The following RBMS3 variants were observed in gnomAD, a reference collection of about 807,000 sequenced individuals.
The protein encoded by RBMS3 is RNA binding motif single stranded interacting protein 3.
Under a neutral mutation model 66.8 loss-of-function variants are expected in RBMS3, and 27 were observed. The ratio of observed to expected loss-of-function variants is 0.40; its 90% CI spans 0.30 to 0.56. RBMS3 has a LOEUF of 0.56. Among genes scored for constraint, RBMS3 ranks in the 20% least tolerant of loss-of-function variants. The pLI is 0.40. For missense variants in RBMS3, 513 were observed against 549.5 expected, an observed-to-expected ratio of 0.93 and a Z score of 0.66; for synonymous variants, 188 against 183.0, an observed-to-expected ratio of 1.03 and a Z score of -0.22.
chr3:29,719,516 C>T (rs1376601573), intron 4 of RBMS3, among the ~76,000 whole-genome samples: 3 of 152,028 alleles, frequency 2.0e-5, no homozygotes, highest in South Asian at 2.1e-4. Context: ...TCCAGGGTTC[C>T]TGCATGTTTA....
chr3:29,444,540 C>T (rs534534897), intron 2 of RBMS3, among the ~76,000 whole-genome samples: 8 of 152,028 alleles, frequency 5.3e-5, no homozygotes, highest in Non-Finnish European at 1.0e-4. Context: ...ACCAGGAGTG[C>T]AGGAGTGTGC....
At chr3:29,289,214 C>T (rs773661826) in intron 1 of RBMS3, among the ~76,000 whole-genome samples, 6 of 151,780 alleles carry the variant, frequency 4.0e-5, no homozygotes, top group Non-Finnish European at 5.9e-5. Context: ...TTATAGTGGC[C>T]TCTGCTATGG....
intron 2 of RBMS3, among the ~76,000 whole-genome samples, chr3:29,438,600 T>A (rs2041489403): frequency 6.6e-6 from 1 of 152,218 alleles, no homozygotes; most frequent in Non-Finnish European, 1.5e-5. Context: ...ATATAAAGAA[T>A]GATTTTACTC....
chr3:29,741,017 G>A (rs1244176988), intron 5 of RBMS3, among the ~76,000 whole-genome samples: 1 of 150,224 alleles, frequency 6.7e-6, no homozygotes, highest in Non-Finnish European at 1.5e-5. Context: ...CTCCAGCCTG[G>A]GCAACACAGC....
chr3:29,971,179 C>A (rs1697205193), intron 12 of RBMS3, among the ~76,000 whole-genome samples: 1 of 152,244 alleles, frequency 6.6e-6, no homozygotes, highest in South Asian at 2.1e-4. Flanking sequence ...ACTTGTCCAC[C>A]CTGGCCCACT....
chr3:29,548,829 C>A (rs555622396), intron 3 of RBMS3, among the ~76,000 whole-genome samples: 1 of 151,948 alleles, frequency 6.6e-6, no homozygotes, highest in South Asian at 2.1e-4. Flanking sequence ...ATATTTCTAC[C>A]ACCAAGAATA....
chr3:29,620,482 G>C (rs554321904), intron 4 of RBMS3, among the ~76,000 whole-genome samples: 26 of 152,176 alleles, frequency 1.7e-4, no homozygotes, highest in African/African-American at 6.3e-4. Context: ...AATCTTAGGG[G>C]CTACAATTAC....
At chr3:29,378,774 C>T (rs993982159) in intron 1 of RBMS3, among the ~76,000 whole-genome samples, 2 of 151,540 alleles carry the variant, frequency 1.3e-5, no homozygotes, top group East Asian at 2.0e-4. Context: ...AGAATTGTAT[C>T]GAAAATCTTA....
intron 3 of RBMS3, among the ~76,000 whole-genome samples, chr3:29,509,821 A>G (rs2044327470): frequency 1.3e-5 from 2 of 152,330 alleles, no homozygotes; most frequent in African/African-American, 4.8e-5. Context: ...AGAATTGTAC[A>G]CCTATTCAGA....
intron 1 of RBMS3, among the ~76,000 whole-genome samples, chr3:29,336,424 A>G (rs1218326914): frequency 1.3e-5 from 2 of 152,110 alleles, no homozygotes; most frequent in African/African-American, 4.8e-5. Flanking sequence ...CTACTGACAC[A>G]TGCCAATATT....
At chr3:29,873,092 C>T (rs188071219) in intron 7 of RBMS3, among the ~76,000 whole-genome samples, 48 of 152,126 alleles carry the variant, frequency 3.2e-4, no homozygotes, top group East Asian at 5.8e-4. Context: ...TTTTTTGTTC[C>T]ATATGAATTT....
intron 12 of RBMS3, among the ~76,000 whole-genome samples, chr3:29,965,450 G>A (rs1356268131): frequency 1.3e-5 from 2 of 152,018 alleles, no homozygotes; most frequent in African/African-American, 2.4e-5. Flanking sequence ...TCGCATTGTG[G>A]TTTTGATTTG....
chr3:29,708,971 G>T (rs73829309), intron 4 of RBMS3, among the ~76,000 whole-genome samples: 7,712 of 152,204 alleles, frequency 0.051, 662 homozygotes, highest in African/African-American at 0.18. Context: ...CAACTGATCA[G>T]TGTGATTGTA....
In RBMS3 at chr3:29,412,448, C is replaced by A. The variant is rs72852394; in HGVS notation, c.76-22295C>A. On this transcript the variant is annotated intron_variant, in intron 1 of 14. Transcript: ENST00000383767. The stretch of plus-strand genomic sequence containing the variant: ...CCCAGAAGCATAAAGGCAAGTAGAA[C>A]CACTCCTCAAGTTGCCATGTTTTCA... Among the ~76,000 whole-genome samples, 1,056 of 152,184 alleles carry A rather than the reference C, an allele frequency of 6.9e-3. 12 individuals are homozygous for A. Among genetic ancestry groups the A allele is most frequent in the African/African-American group, 0.024 (986 of 41,528 alleles).
At chr3:29,922,682 T>A (rs1577155589) in intron 10 of RBMS3, among the ~76,000 whole-genome samples, 2 of 152,236 alleles carry the variant, frequency 1.3e-5, no homozygotes, top group South Asian at 4.1e-4. Context: ...TATTTCAAGT[T>A]GACACAATTC....
chr3:29,613,101 C>A (rs1309282360), intron 4 of RBMS3, among the ~76,000 whole-genome samples: 1 of 151,978 alleles, frequency 6.6e-6, no homozygotes, highest in Non-Finnish European at 1.5e-5. Context: ...TCATTGTTTT[C>A]ATCTTGAAAT....
intron 4 of RBMS3, among the ~76,000 whole-genome samples, chr3:29,704,488 C>A (rs1249385709): frequency 6.6e-6 from 1 of 152,082 alleles, no homozygotes; most frequent in Non-Finnish European, 1.5e-5. Context: ...GCAAGAGAAG[C>A]AACTCATTTC....
chr3:29,898,059 T>A (rs2060168861), intron 9 of RBMS3, among the ~76,000 whole-genome samples: 1 of 151,704 alleles, frequency 6.6e-6, no homozygotes, highest in African/African-American at 2.4e-5. Context: ...CTGGAAAGTC[T>A]GAGACTCAAT....
At chr3:29,314,642 G>T (rs868626918) in intron 1 of RBMS3, among the ~76,000 whole-genome samples, 3 of 151,742 alleles carry the variant, frequency 2.0e-5, no homozygotes, top group Middle Eastern at 6.8e-3. Flanking sequence ...GGGTGCACAG[G>T]GGTGGAGGGA....
Sources: allele counts gnomAD v4.1 joint callset (sites outside exome capture counted in the v4.1 genomes callset), GRCh38; gene constraint gnomAD v4.1.1; transcripts MANE v1.5; gene names NCBI Gene and HGNC (gene_info 2026-07-23, HGNC 2026-07-21).